HPCAL1: variants seen among roughly 807,000 people sequenced by gnomAD.
The protein encoded by HPCAL1 is hippocalcin like 1, also known as hippocalcin-like protein 1.
HPCAL1 carries 8 observed loss-of-function variants against 17.1 expected under a neutral mutation model. The ratio of observed to expected loss-of-function variants is 0.47; its 90% CI spans 0.27 to 0.84. HPCAL1 has a LOEUF of 0.84. Ranked by LOEUF, HPCAL1 falls within the 40% of genes least tolerant of loss-of-function variation. The pLI, the probability that HPCAL1 is intolerant of heterozygous loss-of-function variation, is 0.13. For synonymous variants in HPCAL1, 112 were observed against 111.4 expected, an observed-to-expected ratio of 1.01 and a Z score of -0.03; for missense variants, 165 against 271.1, an observed-to-expected ratio of 0.61 and a Z score of 2.75.
rs190152203 is a variant in HPCAL1 at position 10,402,499 on chromosome 2, A to G, written c.-25+5579A>G. Among the ~76,000 whole-genome samples, 38 of 152,232 alleles carry G rather than the reference A, an allele frequency of 2.5e-4. No individual in the cohort carries two copies. In the Middle Eastern group the frequency reaches 0.014, roughly 55 times the overall value. On this transcript the variant is annotated intron_variant, in intron 2 of 4. Transcript: ENST00000307845. ...ACTCCTGATTATAAACACACTCTCT[A>G]TGAGTCAGAGGCCTGGGTGATCATG... is the stretch of plus-strand genomic sequence containing the variant.
At chr2:10,351,113 C>T (rs908897848) in intron 1 of HPCAL1, among the ~76,000 whole-genome samples, 1 of 152,180 alleles carries the variant, frequency 6.6e-6, no homozygotes, top group Non-Finnish European at 1.5e-5. Flanking sequence ...TAAATGTTTA[C>T]AGCAGCATTA....
chr2:10,355,430 G>C (rs1024282413), intron 1 of HPCAL1, among the ~76,000 whole-genome samples: 10 of 112,774 alleles, frequency 8.9e-5, no homozygotes, highest in African/African-American at 3.6e-4. Flanking sequence ...CAGCCTGGGC[G>C]ACAGAGCGAG....
chr2:10,356,398 C>T (rs150625128), intron 1 of HPCAL1, among the ~76,000 whole-genome samples: 5 of 152,196 alleles, frequency 3.3e-5, no homozygotes, highest in Admixed American at 6.5e-5. Flanking sequence ...ACTTGAAGGA[C>T]AGACTGGGGT....
intron 1 of HPCAL1, among the ~76,000 whole-genome samples, chr2:10,307,914 C>T (rs1662725829): frequency 6.6e-6 from 1 of 152,222 alleles, no homozygotes; most frequent in African/African-American, 2.4e-5. Context: ...TTGGTTTGTT[C>T]TCTTAACGCA....
At chr2:10,345,856 CTATT>C (rs1485244996) in intron 1 of HPCAL1, among the ~76,000 whole-genome samples, 18 of 152,142 alleles carry the variant, frequency 1.2e-4, no homozygotes, top group Non-Finnish European at 1.6e-4. Flanking sequence ...AACTAGAAAA[CTATT>C]TATGACGCCC....
At position 10,422,725 on chromosome 2, in the gene HPCAL1, T is replaced by C. The variant is rs140606152; in HGVS notation, c.379-258T>C. On this transcript the variant is annotated intron_variant, in intron 3 of 4. Transcript: ENST00000307845. ...GGACACTTAGGCACCTTCCTGGCAC[T>C]ACCCACCCCCAGGCAGAGATACCAG... Among the ~76,000 whole-genome samples, 37 of 152,300 alleles carry C rather than the reference T, an allele frequency of 2.4e-4. No homozygotes were observed. In the East Asian group the frequency reaches 6.9e-3, roughly 29 times the overall value.
intron 1 of HPCAL1, among the ~76,000 whole-genome samples, chr2:10,319,609 A>AGATCGGAAGAGCACACG (rs1663545629): frequency 6.6e-6 from 1 of 151,216 alleles, no homozygotes; most frequent in Non-Finnish European, 1.5e-5. Flanking sequence ...GGGCAGACTA[A>AGATCGGAAGAGCACACG]TACAGGGACC....
chr2:10,427,137 C>A lies in HPCAL1; in HGVS notation c.*316C>A, dbSNP rs1336449272. 1 of 325,544 alleles carries A rather than the reference C, an allele frequency of 3.1e-6. No individual in the cohort carries two copies. The highest frequency in any genetic ancestry group is 7.1e-5 in the East Asian group (1 of 14,056). 20.2% of individuals were successfully genotyped at this position (325,544 alleles called of 1,614,324 possible). ...AGAGGTCCATGCCGAGGAGACCAGG[C>A]AGGACCTCCCGAGGCTGCGCCCCGG... On this transcript the variant is annotated 3_prime_UTR_variant, in exon 5 of 5. Transcript: ENST00000307845.
At chr2:10,382,689 C>T (rs1339571522) in intron 1 of HPCAL1, among the ~76,000 whole-genome samples, 1 of 151,848 alleles carries the variant, frequency 6.6e-6, no homozygotes, top group African/African-American at 2.4e-5. Context: ...GAGGCAGGAA[C>T]CAAACAGCTC....
intron 1 of HPCAL1, among the ~76,000 whole-genome samples, chr2:10,392,997 C>G (rs1369111169): frequency 2.0e-5 from 3 of 152,222 alleles, no homozygotes; most frequent in African/African-American, 4.8e-5. Context: ...CACAGAGCAC[C>G]CTACCCTAAG....
intron 2 of HPCAL1, among the ~76,000 whole-genome samples, chr2:10,399,223 C>CCACCACCGCCGCTGCCGCTACCACCAT (rs1669275251): frequency 2.5e-5 from 2 of 80,188 alleles, no homozygotes; most frequent in African/African-American, 4.7e-5. Context: ...ACCACCACCA[C>CCACCACCGCCGCTGCCGCTACCACCAT]CACCACCACC....
At chr2:10,312,322 T>TC (rs772938168) in intron 1 of HPCAL1, among the ~76,000 whole-genome samples, 1 of 14,078 alleles carries the variant, frequency 7.1e-5, no homozygotes, top group Non-Finnish European at 1.1e-4. Flanking sequence ...ATCATCATCA[T>TC]ATCATCATCA....
intron 1 of HPCAL1, among the ~76,000 whole-genome samples, chr2:10,388,289 C>T (rs556061264): frequency 2.1e-4 from 32 of 152,338 alleles, no homozygotes; most frequent in Admixed American, 5.2e-4. Context: ...TATCTTCCTC[C>T]TTCCAGAACA....
At chr2:10,371,663 A>C (rs1376953323) in intron 1 of HPCAL1, among the ~76,000 whole-genome samples, 2 of 150,162 alleles carry the variant, frequency 1.3e-5, no homozygotes, top group African/African-American at 2.5e-5. Context: ...TCCATTCCAA[A>C]CTCCTCCTCC....
At chr2:10,317,202 T>C (rs761315351) in intron 1 of HPCAL1, among the ~76,000 whole-genome samples, 1 of 152,204 alleles carries the variant, frequency 6.6e-6, no homozygotes. Context: ...ATGTTTTTGT[T>C]GACTTACAGT....
chr2:10,339,923 C>T (rs1351988835), intron 1 of HPCAL1, among the ~76,000 whole-genome samples: 1 of 152,226 alleles, frequency 6.6e-6, no homozygotes, highest in Non-Finnish European at 1.5e-5. Context: ...TCCCTGTGGT[C>T]CTACTGGGCA....
intron 1 of HPCAL1, among the ~76,000 whole-genome samples, chr2:10,341,159 G>A (rs558381867): frequency 6.6e-6 from 1 of 152,140 alleles, no homozygotes; most frequent in South Asian, 2.1e-4. Flanking sequence ...ATTTATGATA[G>A]AAACTGTGGG....
intron 1 of HPCAL1, among the ~76,000 whole-genome samples, chr2:10,346,531 C>G (rs957162064): frequency 6.6e-6 from 1 of 152,118 alleles, no homozygotes; most frequent in South Asian, 2.1e-4. Context: ...TCTAGGTCTC[C>G]GTGCAGGCAT....
intron 1 of HPCAL1, among the ~76,000 whole-genome samples, chr2:10,372,493 C>T (rs1225834809): frequency 1.3e-5 from 2 of 152,104 alleles, no homozygotes; most frequent in Non-Finnish European, 2.9e-5. Context: ...GTGACACACC[C>T]AGCAACTCCC....
Sources: gnomAD v4.1 joint callset for allele counts (sites outside exome capture counted in the v4.1 genomes callset) on GRCh38, gnomAD v4.1.1 for gene constraint, MANE v1.5 for transcripts, NCBI Gene and HGNC (gene_info 2026-07-23, HGNC 2026-07-21) for gene names.